Variants in BCL7C observed in about 807,000 individuals in gnomAD.
The protein encoded by BCL7C is BAF chromatin remodeling complex subunit BCL7C.
Under a neutral mutation model 26.2 loss-of-function variants are expected in BCL7C, and 8 were observed. The observed-to-expected ratio is 0.30, with a 90% CI of 0.18 to 0.55. The LOEUF (loss-of-function observed/expected upper bound fraction) is 0.55. BCL7C is among the 20% of genes least tolerant of loss of function. BCL7C has a pLI of 0.93. For missense variants in BCL7C, 262 were observed against 298.5 expected (o/e 0.88, Z 0.90); for synonymous variants, 90 against 116.5 (o/e 0.77, Z 1.47).
intron 5 of BCL7C, among the ~76,000 whole-genome samples, chr16:30,842,415 G>A (rs919840199): frequency 6.6e-6 from 1 of 152,158 alleles, no homozygotes; most frequent in African/African-American, 2.4e-5. Context: ...GAGGAAACTT[G>A]CCTTACGCCA....
chr16:30,871,218 G>A (rs887753023), intron 5 of BCL7C, among the ~76,000 whole-genome samples: 30 of 152,264 alleles, frequency 2.0e-4, no homozygotes, highest in African/African-American at 5.5e-4. Flanking sequence ...GGGGGACAGC[G>A]TATAGGGAAC....
At chr16:30,857,513 T>C (rs1294692050) in intron 5 of BCL7C, among the ~76,000 whole-genome samples, 1 of 151,986 alleles carries the variant, frequency 6.6e-6, no homozygotes, top group East Asian at 1.9e-4. Flanking sequence ...GTTCTGCCCC[T>C]CTAATGGCTG....
At chr16:30,847,796 G>GAAAAAAAACAAACA (rs2054645143) in intron 5 of BCL7C, among the ~76,000 whole-genome samples, 1 of 150,722 alleles carries the variant, frequency 6.6e-6, no homozygotes, top group African/African-American at 2.4e-5. Flanking sequence ...ACTCTATCTT[G>GAAAAAAAACAAACA]AAAAAAAACA....
intron 5 of BCL7C, among the ~76,000 whole-genome samples, chr16:30,873,588 C>T (rs989110518): frequency 2.0e-5 from 3 of 151,976 alleles, no homozygotes; most frequent in African/African-American, 7.2e-5. Flanking sequence ...ATGGCTCAGA[C>T]CTGTAATCCC....
intron 5 of BCL7C, among the ~76,000 whole-genome samples, chr16:30,846,109 CAAA>C (rs534483583): frequency 8.6e-5 from 7 of 81,800 alleles, no homozygotes; most frequent in Admixed American, 1.4e-4. Flanking sequence ...GACTCCATCT[CAAA>C]AAAAAAAAAA....
At chr16:30,872,550 A>G (rs1049048789) in intron 5 of BCL7C, among the ~76,000 whole-genome samples, 5 of 152,216 alleles carry the variant, frequency 3.3e-5, no homozygotes, top group South Asian at 2.1e-4. Flanking sequence ...TGAAAGCCCC[A>G]GTGGCAAATG....
intron 4 of BCL7C, 65 bp from the exon 5 acceptor site, chr16:30,889,010 G>A: frequency 2.0e-6 from 3 of 1,497,366 alleles, no homozygotes; most frequent in South Asian, 1.1e-5. Flanking sequence ...CAGACAGTGG[G>A]GGAAACAGAT....
chr16:30,867,987 C>T (rs2054843807), intron 5 of BCL7C, among the ~76,000 whole-genome samples: 1 of 151,886 alleles, frequency 6.6e-6, no homozygotes, highest in Admixed American at 6.6e-5. Context: ...CCTGAAGACA[C>T]CCTGATTTGA....
intron 5 of BCL7C, chr16:30,851,848 CT>C (rs1274550724): frequency 7.8e-6 from 2 of 256,644 alleles, no homozygotes; most frequent in African/African-American, 2.2e-5. Context: ...ATAAAATCGA[CT>C]TTTTGTCACA....
chr16:30,841,121 A>G (rs1016644407), intron 5 of BCL7C, among the ~76,000 whole-genome samples: 1 of 152,210 alleles, frequency 6.6e-6, no homozygotes, highest in Admixed American at 6.5e-5. Context: ...CTGCACAGGT[A>G]GACTGACTTG....
intron 5 of BCL7C, among the ~76,000 whole-genome samples, chr16:30,854,597 T>C (rs941301515): frequency 1.3e-5 from 2 of 152,226 alleles, no homozygotes; most frequent in African/African-American, 4.8e-5. Context: ...TTCATCCATA[T>C]TGAAGATTTT....
At chr16:30,850,053 CA>C (rs560695493) in intron 5 of BCL7C, among the ~76,000 whole-genome samples, 2 of 151,192 alleles carry the variant, frequency 1.3e-5, no homozygotes, top group Non-Finnish European at 3.0e-5. Context: ...ACTAAAAATA[CA>C]AAAAAATCAG....
chr16:30,889,219 G>C (rs2055185757), intron 4 of BCL7C, among the ~76,000 whole-genome samples: 1 of 152,168 alleles, frequency 6.6e-6, no homozygotes, highest in Non-Finnish European at 1.5e-5. Flanking sequence ...TGGACTGCCT[G>C]GGTTCAAATC....
At chr16:30,889,961 A>G (rs1019542442) in intron 4 of BCL7C, among the ~76,000 whole-genome samples, 2 of 150,996 alleles carry the variant, frequency 1.3e-5, no homozygotes, top group African/African-American at 4.9e-5. Flanking sequence ...TTAAAAAATG[A>G]AGGAAAAAGT....
intron 4 of BCL7C, among the ~76,000 whole-genome samples, chr16:30,891,015 A>C (rs9674431): frequency 7.4e-4 from 112 of 151,590 alleles, no homozygotes; most frequent in Non-Finnish European, 1.2e-3. Flanking sequence ...AACAAAAAAA[A>C]CAAAAATCAG....
At chr16:30,870,547 C>T (rs529367756) in intron 5 of BCL7C, among the ~76,000 whole-genome samples, 6 of 151,906 alleles carry the variant, frequency 3.9e-5, no homozygotes, top group Admixed American at 2.0e-4. Flanking sequence ...CGGTGGCTCA[C>T]GCCTGTAATC....
In BCL7C at chr16:30,834,970, A is replaced by G. The variant is rs1170835132; in HGVS notation, c.707T>C (p.Ile236Thr). Residue 236 changes from isoleucine (I) to threonine (T), a missense_variant, in exon 6 of 6, where the codon ATC becomes ACC. Ile to Thr is a moderately conservative substitution (Grantham distance 89). Transcript: ENST00000380317. This position sits in a 1 kb window ranked among gnomAD's most constrained non-coding sequence, Gnocchi z 4.3. ...CACTCACCTCCCCTTACCCTGGGGG[A>G]TTGTTCTGGGTGCCCTCGGGGCCTT... The G allele has an allele frequency of 1.9e-6, 3 of 1,543,274 alleles. No individual in the cohort carries two copies. The African/African-American group carries it at 4.1e-5, about 21-fold the overall frequency.
At chr16:30,884,859 G>A (rs908582833), downstream of BCL7C, among the ~76,000 whole-genome samples, 2 of 152,126 alleles carry the variant, frequency 1.3e-5, no homozygotes, top group Admixed American at 1.3e-4. Context: ...CTTGCTCAAG[G>A]TGATACAACA....
chr16:30,837,610 A>G (rs187259877), intron 5 of BCL7C, among the ~76,000 whole-genome samples: 131 of 152,258 alleles, frequency 8.6e-4, no homozygotes, highest in Admixed American at 4.5e-3. Context: ...AGCCTCCCCA[A>G]GTGCTGGGAT....
Sources: gnomAD v4.1 joint callset for allele counts (sites outside exome capture counted in the v4.1 genomes callset) on GRCh38, gnomAD v4.1.1 for gene constraint, Gnocchi (gnomAD v3.1) non-coding constraint, MANE v1.5 for transcripts, NCBI Gene and HGNC (gene_info 2026-07-23, HGNC 2026-07-21) for gene names.